The following MBD5 variants were observed in gnomAD, a reference collection of about 807,000 sequenced individuals.
MBD5 encodes methyl-CpG binding domain protein 5.
In MBD5, 13 loss-of-function variants were observed where a neutral mutation model predicts 117.3. The ratio of observed to expected loss-of-function variants is 0.11; its 90% CI spans 0.07 to 0.18. The LOEUF (loss-of-function observed/expected upper bound fraction) is 0.18. Ranked by LOEUF, MBD5 falls within the 10% of genes least tolerant of loss-of-function variation. The pLI, the probability that MBD5 is intolerant of heterozygous loss-of-function variation, is 1.00. For missense variants in MBD5, 1,879 were observed against 2,093.8 expected, an observed-to-expected ratio of 0.90 and a Z score of 2.00; for synonymous variants, 727 against 766.4, an observed-to-expected ratio of 0.95 and a Z score of 0.85.
chr2:148,418,949 G>A (rs890363463), intron 4 of MBD5, among the ~76,000 whole-genome samples: 3 of 152,076 alleles, frequency 2.0e-5, no homozygotes, highest in Admixed American at 2.0e-4. Flanking sequence ...AAATCTGGAG[G>A]CATCACATTA....
At chr2:148,036,938 A>G (rs558001207) in intron 1 of MBD5, among the ~76,000 whole-genome samples, 13 of 152,182 alleles carry the variant, frequency 8.5e-5, no homozygotes, top group Admixed American at 7.2e-4. Flanking sequence ...TGGGGGACCC[A>G]GAAAATAATA....
intron 1 of MBD5, among the ~76,000 whole-genome samples, chr2:148,148,418 C>T (rs182072053): frequency 5.3e-5 from 8 of 152,282 alleles, no homozygotes; most frequent in South Asian, 2.1e-4. Context: ...CCACAAGATT[C>T]GCTCTTCATA....
chr2:148,427,155 G>T (rs572545163), intron 4 of MBD5, among the ~76,000 whole-genome samples: 29 of 152,274 alleles, frequency 1.9e-4, no homozygotes, highest in African/African-American at 6.0e-4. Context: ...GGAAACAACA[G>T]GTGCTGGAGA....
intron 1 of MBD5, among the ~76,000 whole-genome samples, chr2:148,082,754 C>T (rs1263276197): frequency 2.0e-5 from 3 of 152,184 alleles, no homozygotes; most frequent in Admixed American, 2.0e-4. Context: ...TTATGGAACT[C>T]TCCTGTTTAT....
intron 1 of MBD5, among the ~76,000 whole-genome samples, chr2:148,150,414 G>A: frequency 6.6e-6 from 1 of 151,898 alleles, no homozygotes; most frequent in Non-Finnish European, 1.5e-5. Context: ...GGATTGACTT[G>A]GCGATGCAGG....
At chr2:148,430,238 A>G (rs889972819) in intron 4 of MBD5, among the ~76,000 whole-genome samples, 1 of 152,102 alleles carries the variant, frequency 6.6e-6, no homozygotes, top group African/African-American at 2.4e-5. Flanking sequence ...ATCTTCATTT[A>G]TTGCATTTTC....
chr2:148,503,873 G>A lies in MBD5; in HGVS notation c.5036+1364G>A, dbSNP rs543108093. Among the ~76,000 whole-genome samples the A allele has an allele frequency of 5.9e-5, 9 of 152,276 alleles. No homozygotes were observed. In the South Asian group the frequency reaches 6.2e-4, roughly 11 times the overall value. ...TACCTACACCACAAATTTGCAGTGG[G>A]CCAGTTGCTGTAAACTATTCAACAG... On this transcript the variant is annotated intron_variant, in intron 12 of 13. Transcript: ENST00000642680.
At chr2:148,022,567 G>C (rs1693784880) in intron 1 of MBD5, among the ~76,000 whole-genome samples, 1 of 152,042 alleles carries the variant, frequency 6.6e-6, no homozygotes, top group African/African-American at 2.4e-5. Flanking sequence ...TGTTGTTCTG[G>C]CTGCATGGAA....
chr2:148,340,932 A>T (rs1176214246), intron 3 of MBD5, among the ~76,000 whole-genome samples: 2 of 151,856 alleles, frequency 1.3e-5, no homozygotes, highest in African/African-American at 4.8e-5. Context: ...TAATCCTTAT[A>T]ACACCTCTAT....
chr2:148,241,890 C>T (rs1574182369), intron 3 of MBD5, among the ~76,000 whole-genome samples: 1 of 152,198 alleles, frequency 6.6e-6, no homozygotes, highest in East Asian at 1.9e-4. Context: ...TCACCATTTA[C>T]AGTTGTTGTC....
intron 8 of MBD5, among the ~76,000 whole-genome samples, chr2:148,472,925 A>C (rs914017016): frequency 2.6e-5 from 4 of 152,168 alleles, no homozygotes; most frequent in Non-Finnish European, 5.9e-5. Context: ...GAGGCTAAAA[A>C]AACTTAAGTA....
intron 3 of MBD5, among the ~76,000 whole-genome samples, chr2:148,267,237 G>C (rs1700880482): frequency 6.6e-6 from 1 of 152,094 alleles, no homozygotes; most frequent in Admixed American, 6.6e-5. Flanking sequence ...CAGACAAATA[G>C]ATCTGGGTAT....
At chr2:148,503,665 G>A (rs1034885575) in intron 12 of MBD5, among the ~76,000 whole-genome samples, 1 of 152,106 alleles carries the variant, frequency 6.6e-6, no homozygotes, top group African/African-American at 2.4e-5. Context: ...GTAGCAAATT[G>A]GTACTGGCTG....
rs138567901 is a variant in MBD5, at chr2:148,289,042, T to A, written c.-679-53172T>A. 2.7e-3 allele frequency among the ~76,000 whole-genome samples: 415 copies of A among 152,330 alleles called. 4 individuals are homozygous for A. The highest frequency in any genetic ancestry group is 9.1e-3 in the African/African-American group (377 of 41,590). The stretch of plus-strand genomic sequence containing the variant: ...CTCTTCTGCTGTTTTCTGAAACTAT[T>A]TATTTAAATCTCATATGGTTATTGA... On this transcript the variant is annotated intron_variant, in intron 3 of 13. Coordinates refer to ENST00000642680, the MANE Select transcript of MBD5 (RefSeq NM_001378120.1).
intron 4 of MBD5, among the ~76,000 whole-genome samples, chr2:148,412,259 TGTA>T (rs1178214186): frequency 6.7e-6 from 1 of 148,754 alleles, no homozygotes; most frequent in Non-Finnish European, 1.5e-5. Flanking sequence ...ACTGTAGCCT[TGTA>T]GTATACTTTT....
At chr2:148,198,791 C>A (rs1027430850) in intron 2 of MBD5, among the ~76,000 whole-genome samples, 1 of 151,892 alleles carries the variant, frequency 6.6e-6, no homozygotes, top group African/African-American at 2.4e-5. Flanking sequence ...AAGAAAGCAT[C>A]GTGCTATGAG....
chr2:148,147,266 G>A (rs930551314), intron 1 of MBD5, among the ~76,000 whole-genome samples: 12 of 149,258 alleles, frequency 8.0e-5, no homozygotes, highest in East Asian at 3.9e-4. Flanking sequence ...TTTCTGAGAC[G>A]GAGTCTCGCA....
chr2:148,263,714 G>T (rs1032433252), intron 3 of MBD5, among the ~76,000 whole-genome samples: 2 of 152,154 alleles, frequency 1.3e-5, no homozygotes, highest in Non-Finnish European at 2.9e-5. Flanking sequence ...TAAGGGAGAA[G>T]ACAAAAGAAT....
Position 148,199,463 on chromosome 2 carries a change from C to T in MBD5, c.-831+20670C>T, listed in dbSNP as rs1470509869. ...TAAATAAACAAATAAAATGAATAAA[C>T]TAATATGTTGAAAGGGAAAAGATGG... is the stretch of plus-strand genomic sequence containing the variant. On this transcript the variant is annotated intron_variant, in intron 2 of 13. Coordinates refer to ENST00000642680, the MANE Select transcript of MBD5 (RefSeq NM_001378120.1). Among the ~76,000 whole-genome samples, 5 of 152,158 alleles carry T rather than the reference C, an allele frequency of 3.3e-5. No homozygotes were observed. The East Asian group carries it at 9.7e-4, about 29-fold the overall frequency.
Sources: gnomAD v4.1 joint callset for allele counts (sites outside exome capture counted in the v4.1 genomes callset) on GRCh38, gnomAD v4.1.1 for gene constraint, MANE v1.5 for transcripts, NCBI Gene and HGNC (gene_info 2026-07-23, HGNC 2026-07-21) for gene names.